Variants in UBE2E2 observed in about 807,000 individuals in gnomAD.
The protein encoded by UBE2E2 is ubiquitin-conjugating enzyme E2 E2.
A neutral mutation model predicts 24.7 loss-of-function variants in UBE2E2; 6 were observed. The observed-to-expected ratio is 0.24, with a 90% confidence interval of 0.13 to 0.48. The LOEUF (loss-of-function observed/expected upper bound fraction) is 0.48. UBE2E2 is among the 20% of genes least tolerant of loss of function. UBE2E2 has a pLI of 0.99. For missense variants in UBE2E2, 169 were observed against 245.0 expected (o/e 0.69, Z 2.07); for synonymous variants, 104 against 83.6 (o/e 1.24, Z -1.33).
chr3:23,495,281 G>A (rs57470793), intron 3 of UBE2E2, among the ~76,000 whole-genome samples: 131 of 152,184 alleles, frequency 8.6e-4, no homozygotes, highest in African/African-American at 2.9e-3. Flanking sequence ...CTTGGAATGG[G>A]CAAAAATTGA....
intron 3 of UBE2E2, among the ~76,000 whole-genome samples, chr3:23,320,539 C>A (rs535128547): frequency 6.6e-6 from 1 of 152,252 alleles, no homozygotes; most frequent in East Asian, 1.9e-4. Flanking sequence ...ATCTACTTTG[C>A]CTCTATAGAT....
chr3:23,581,255 C>T (rs868570718), intron 5 of UBE2E2, among the ~76,000 whole-genome samples: 55 of 151,636 alleles, frequency 3.6e-4, no homozygotes, highest in African/African-American at 1.3e-3. Flanking sequence ...GGCGGGGTCT[C>T]GCTATATTGA....
intron 4 of UBE2E2, among the ~76,000 whole-genome samples, chr3:23,512,488 C>G (rs1694623450): frequency 9.7e-6 from 1 of 103,024 alleles, no homozygotes; most frequent in Non-Finnish European, 2.0e-5. Flanking sequence ...GTCCTCCTGC[C>G]TTGGCCTCCC....
At chr3:23,423,312 G>A (rs1253700860) in intron 3 of UBE2E2, among the ~76,000 whole-genome samples, 3 of 152,130 alleles carry the variant, frequency 2.0e-5, no homozygotes, top group Non-Finnish European at 4.4e-5. Flanking sequence ...AAAGTGAAGT[G>A]AAGTAAAGAT....
chr3:23,241,708 T>C (rs757176556), intron 3 of UBE2E2, among the ~76,000 whole-genome samples: 2 of 152,202 alleles, frequency 1.3e-5, no homozygotes, highest in South Asian at 2.1e-4. Context: ...CAGTTTCTTA[T>C]GATTAACTGT....
At chr3:23,356,578 C>T (rs1443772591) in intron 3 of UBE2E2, among the ~76,000 whole-genome samples, 2 of 152,150 alleles carry the variant, frequency 1.3e-5, no homozygotes, top group Admixed American at 6.5e-5. Context: ...CAAGTGCATT[C>T]CTTGACTCAA....
intron 3 of UBE2E2, among the ~76,000 whole-genome samples, chr3:23,370,595 G>A (rs1696375886): frequency 6.6e-6 from 1 of 152,180 alleles, no homozygotes; most frequent in Admixed American, 6.5e-5. Context: ...TCACAGGAAT[G>A]ATGTGAAAAG....
chr3:23,265,312 A>C (rs751243909), intron 3 of UBE2E2, among the ~76,000 whole-genome samples: 2 of 152,160 alleles, frequency 1.3e-5, no homozygotes, highest in Non-Finnish European at 1.5e-5. Flanking sequence ...CTGAGAAGTT[A>C]GGGTGTCTTT....
chr3:23,510,700 A>T lies in UBE2E2; in HGVS notation c.360+10960A>T, dbSNP rs145051819. Among the ~76,000 whole-genome samples, 169 of 152,296 alleles carry T rather than the reference A, an allele frequency of 1.1e-3. 2 individuals are homozygous for T. The highest frequency in any genetic ancestry group is 3.9e-3 in the African/African-American group (161 of 41,576). ...CATACCTATTCTAAACCATCAGGTG[A>T]ATTTTTCTTATGGTATCAGTGTATT... On this transcript the variant is annotated intron_variant, in intron 4 of 5. Transcript: ENST00000396703.
intron 3 of UBE2E2, among the ~76,000 whole-genome samples, chr3:23,374,812 T>G (rs1226045333): frequency 1.3e-5 from 2 of 152,212 alleles, no homozygotes; most frequent in Non-Finnish European, 2.9e-5. Context: ...TTTTAATTAT[T>G]TATTTTTTTG....
intron 3 of UBE2E2, among the ~76,000 whole-genome samples, chr3:23,376,290 G>A (rs180903021): frequency 2.0e-5 from 3 of 152,252 alleles, no homozygotes; most frequent in East Asian, 1.9e-4. Flanking sequence ...GACTTTTTGC[G>A]TGGATTTGTT....
intron 3 of UBE2E2, among the ~76,000 whole-genome samples, chr3:23,473,211 T>C (rs561148975): frequency 6.6e-6 from 1 of 152,166 alleles, no homozygotes; most frequent in East Asian, 1.9e-4. Flanking sequence ...GAAATAGTTT[T>C]TGTCATGTTT....
chr3:23,254,155 G>T (rs564435948), intron 3 of UBE2E2, among the ~76,000 whole-genome samples: 11 of 152,296 alleles, frequency 7.2e-5, no homozygotes, highest in African/African-American at 2.6e-4. Context: ...CATATATCTG[G>T]TGGTGGGAAT....
chr3:23,254,435 G>A (rs1333245388), intron 3 of UBE2E2, among the ~76,000 whole-genome samples: 1 of 152,176 alleles, frequency 6.6e-6, no homozygotes, highest in African/African-American at 2.4e-5. Context: ...GAGTCCAGTA[G>A]CCGGTGTTTA....
intron 3 of UBE2E2, among the ~76,000 whole-genome samples, chr3:23,439,023 C>T (rs139529295): frequency 6.6e-6 from 1 of 152,130 alleles, no homozygotes; most frequent in Non-Finnish European, 1.5e-5. Flanking sequence ...TTAGATTTGC[C>T]CCTAAGTAAT....
At chr3:23,497,952 G>T (rs1188242705) in intron 3 of UBE2E2, among the ~76,000 whole-genome samples, 1 of 152,094 alleles carries the variant, frequency 6.6e-6, no homozygotes, top group Non-Finnish European at 1.5e-5. Flanking sequence ...TCAACATGTG[G>T]TTTTGTCAGG....
At chr3:23,588,048 A>C (rs769277959) in intron 5 of UBE2E2, among the ~76,000 whole-genome samples, 1 of 152,214 alleles carries the variant, frequency 6.6e-6, no homozygotes, top group Non-Finnish European at 1.5e-5. Context: ...GATAGGTTAA[A>C]AAGTGGTGTT....
At chr3:23,230,371 T>C (rs11719401) in intron 3 of UBE2E2, among the ~76,000 whole-genome samples, 2,515 of 152,336 alleles carry the variant, frequency 0.017, 29 homozygotes, top group Non-Finnish European at 0.023. Flanking sequence ...TCAGTCCCGA[T>C]AGTTCAATGT....
At chr3:23,442,501 C>A (rs1194851677) in intron 3 of UBE2E2, among the ~76,000 whole-genome samples, 8 of 152,106 alleles carry the variant, frequency 5.3e-5, no homozygotes, top group Non-Finnish European at 4.4e-5. Context: ...AACTCTTATG[C>A]CCTCCTATGT....
Sources: gnomAD v4.1 joint callset for allele counts (sites outside exome capture counted in the v4.1 genomes callset) on GRCh38, gnomAD v4.1.1 for gene constraint, MANE v1.5 for transcripts, NCBI Gene and HGNC (gene_info 2026-07-23, HGNC 2026-07-21) for gene names.